The following FCRL2 variants were observed in gnomAD, a reference collection of about 807,000 sequenced individuals.
FCRL2 encodes Fc receptor-like protein 2.
A neutral mutation model predicts 59.8 loss-of-function variants in FCRL2; 48 were observed. The observed-to-expected ratio is 0.80, with a 90% CI of 0.64 to 1.02. The LOEUF (loss-of-function observed/expected upper bound fraction) is 1.02, where lower values mean the gene tolerates loss of function less well. FCRL2 is among the 50% of genes least tolerant of loss of function. FCRL2 has a pLI of 0.00. For synonymous variants in FCRL2, 251 were observed against 229.5 expected, an observed-to-expected ratio of 1.09 and a Z score of -0.85; for missense variants, 658 against 597.3, an observed-to-expected ratio of 1.10 and a Z score of -1.06.
rs761632859 is a variant in FCRL2, at chr1:157,769,891, G to T, written c.570C>A (p.Ser190Arg). ...ETVTHRIRKQ[S>R]LQSQIHVQRI... ...TCTGCACGTGAATCTGGGATTGGAG[G>T]CTCTGTTTTCTGATCCTGTGAGTCA... Residue 190 changes from serine (S) to arginine (R), a missense_variant, in exon 4 of 12, where the codon AGC becomes AGA. Physicochemically the swap from Ser to Arg is moderately radical, Grantham distance 110 (BLOSUM62 -1). Coordinates refer to ENST00000361516, the MANE Select transcript of FCRL2 (RefSeq NM_030764.4). 1.2e-6 allele frequency: 2 copies of T among 1,614,078 alleles called. No individual in the cohort carries two copies. The highest frequency in any genetic ancestry group is 1.7e-5 in the Admixed American group (1 of 60,016).
Position 157,767,444 on chromosome 1 carries a change from G to T in FCRL2, c.949C>A (p.Leu317Met). ...CTCAGGGCCTCACAGTGAAGCTCCA[G>T]CAGGTCCCCCACTGCAGCCTGGGCC... ...PGAQAAVGDL[L>M]ELHCEALRGS... Residue 317 changes from leucine (L) to methionine (M), a missense_variant, in exon 6 of 12, where the codon CTG (leucine) becomes ATG (methionine). Leu to Met is a conservative substitution (Grantham distance 15, BLOSUM62 2). Coordinates refer to ENST00000361516, the MANE Select transcript of FCRL2 (RefSeq NM_030764.4). 6.2e-7 allele frequency: 1 copy of T among 1,614,202 alleles called. No homozygotes were observed. The highest frequency in any genetic ancestry group is 1.1e-5 in the South Asian group (1 of 91,076).
chr1:157,761,433 T>C (rs889784523), intron 7 of FCRL2, among the ~76,000 whole-genome samples: 2 of 152,058 alleles, frequency 1.3e-5, no homozygotes, highest in Non-Finnish European at 2.9e-5. Context: ...CTGGGTAACA[T>C]TGTAAAACCC....
chr1:157,768,149 G>A (rs1649669932), intron 5 of FCRL2: 1 of 407,524 alleles, frequency 2.5e-6, no homozygotes, highest in African/African-American at 2.0e-5. Context: ...AGAGCCCAAA[G>A]GTTTCATGTA....
rs550153172 is a variant in FCRL2, at chr1:157,755,947, TTGATATTGTA to T, written c.1280-6280_1280-6271del. ...GGATTACTTTTTACTGTCATATTCT[TTGATATTGTA>T]TGAATGTTTTACCAGATGTATTTGT... On this transcript the variant is annotated intron_variant, in intron 7 of 11. Transcript: ENST00000361516. Among the ~76,000 whole-genome samples, 144 of 152,332 alleles carry T rather than the reference TTGATATTGTA, an allele frequency of 9.5e-4. 1 individual carries two copies. In the South Asian group the frequency reaches 0.029, roughly 30 times the overall value.
intron 7 of FCRL2, among the ~76,000 whole-genome samples, chr1:157,757,123 T>G (rs1999792): frequency 0.018 from 2,697 of 152,304 alleles, 68 homozygotes; most frequent in African/African-American, 0.061. Flanking sequence ...TTGCATTTGG[T>G]TATGACCATA....
intron 7 of FCRL2, among the ~76,000 whole-genome samples, chr1:157,764,998 TA>T (rs1336873987): frequency 1.3e-5 from 2 of 151,168 alleles, no homozygotes; most frequent in African/African-American, 2.4e-5. Flanking sequence ...AAATAGAGAC[TA>T]AAAAAAATAC....
Position 157,746,700 on chromosome 1 carries a change from CTT to C in FCRL2, c.*34_*35del. On this transcript the variant is annotated 3_prime_UTR_variant, in exon 12 of 12. Coordinates refer to ENST00000361516, the MANE Select transcript of FCRL2 (RefSeq NM_030764.4). ...TAGCAAGTCTTAATGATGCCCCATC[CTT>C]GCTGTTGATCTTCCCTTCTGATTCC... 6.2e-7 allele frequency: 1 copy of C among 1,604,262 alleles called. No individual in the cohort carries two copies. The highest frequency in any genetic ancestry group is 8.5e-7 in the Non-Finnish European group (1 of 1,171,188).
intron 7 of FCRL2, among the ~76,000 whole-genome samples, chr1:157,756,140 C>T (rs1333420678): frequency 6.6e-6 from 1 of 152,172 alleles, no homozygotes; most frequent in Non-Finnish European, 1.5e-5. Context: ...GAAAGCATTG[C>T]TTTCATTAGG....
At chr1:157,752,602 G>A (rs1453882599) in intron 7 of FCRL2, among the ~76,000 whole-genome samples, 1 of 152,150 alleles carries the variant, frequency 6.6e-6, no homozygotes, top group Non-Finnish European at 1.5e-5. Flanking sequence ...AGTGTGAATG[G>A]GCAGTAGGAA....
chr1:157,765,923 A>G (rs1400432445), intron 7 of FCRL2, among the ~76,000 whole-genome samples: 1 of 152,206 alleles, frequency 6.6e-6, no homozygotes, highest in Non-Finnish European at 1.5e-5. Flanking sequence ...CAACATGTTA[A>G]AAGTCTGACT....
chr1:157,768,764 G>A lies in FCRL2; in HGVS notation c.596-63C>T, dbSNP rs939574859. ...GAAACTCTGGGAACAGGGTTTGACT[G>A]ATTCCATTCTCTAATGCAAAATGTG... is the stretch of plus-strand genomic sequence containing the variant. On this transcript the variant is annotated intron_variant, in intron 4 of 11. Transcript: ENST00000361516. 4.1e-6 allele frequency: 6 copies of A among 1,458,068 alleles called. No homozygotes were observed. The Middle Eastern group carries it at 7.2e-4, about 176-fold the overall frequency. The allele number at this position is 1,458,068 out of a possible 1,614,324, so 90.3% of individuals were successfully genotyped here.
intron 7 of FCRL2, among the ~76,000 whole-genome samples, chr1:157,764,378 G>A (rs1407400807): frequency 6.6e-6 from 1 of 152,152 alleles, no homozygotes; most frequent in Non-Finnish European, 1.5e-5. Context: ...TAATAGTGGG[G>A]TAATTCAACA....
At chr1:157,753,473 C>A (rs567060730) in intron 7 of FCRL2, among the ~76,000 whole-genome samples, 1 of 152,276 alleles carries the variant, frequency 6.6e-6, no homozygotes, top group South Asian at 2.1e-4. Context: ...TACAAATATA[C>A]AACCAAATGA....
At chr1:157,771,155 A>G (rs746075233) in intron 2 of FCRL2, among the ~76,000 whole-genome samples, 1 of 152,232 alleles carries the variant, frequency 6.6e-6, no homozygotes, top group African/African-American at 2.4e-5. Context: ...GGGTTTCAAC[A>G]TATGAATTTG....
intron 7 of FCRL2, among the ~76,000 whole-genome samples, chr1:157,755,974 T>C (rs1648560551): frequency 6.6e-6 from 1 of 152,198 alleles, no homozygotes; most frequent in South Asian, 2.1e-4. Context: ...TTTTACCAGA[T>C]GTATTTGTAA....
intron 3 of FCRL2, 66 bp from the exon 4 acceptor site, chr1:157,770,216 G>T: frequency 6.4e-7 from 1 of 1,567,662 alleles, no homozygotes; most frequent in Non-Finnish European, 8.7e-7. Context: ...AAAAGCCTCT[G>T]GCAAGAAGCA....
Position 157,764,269 on chromosome 1 carries a change from A to T in FCRL2, c.1279+2586T>A, listed in dbSNP as rs577444428. On this transcript the variant is annotated intron_variant, in intron 7 of 11. Coordinates refer to ENST00000361516, the MANE Select transcript of FCRL2 (RefSeq NM_030764.4). ...ACAAAAATAAAGGGATCAATCCAGC[A>T]AGAGAATATAGAGGATATATATGTA... Among the ~76,000 whole-genome samples the T allele has an allele frequency of 2.6e-5, 4 of 152,278 alleles. No individual in the cohort carries two copies. In the South Asian group the frequency reaches 8.3e-4, roughly 32 times the overall value.
Position 157,749,655 on chromosome 1 carries a change from T to G in FCRL2, c.1302A>C (p.Glu434Asp), listed in dbSNP as rs79445400. 990 of 1,608,632 alleles carry G rather than the reference T, an allele frequency of 6.2e-4. 4 individuals are homozygous for G. The African/African-American group carries it at 0.012, about 19-fold the overall frequency. ...TTACTAGGAAGAGTTCTCACCTGGGTTCATTAGTGGCAGAACTTTCTCCTG... is the reference window on the plus strand; with the variant it reads ...TTACTAGGAAGAGTTCTCACCTGGGGTCATTAGTGGCAGAACTTTCTCCTG... Reference protein sequence around the residue: ...KISGESSATNEPRGASRPNPQ... With the variant: ...KISGESSATNDPRGASRPNPQ... Residue 434 changes from glutamate (E) to aspartate (D), a missense_variant, in exon 8 of 12, where the codon GAA becomes GAC. Glu to Asp is a conservative substitution (Grantham distance 45, BLOSUM62 2). Transcript: ENST00000361516.
At position 157,770,514 on chromosome 1, in the gene FCRL2, T is replaced by A; in HGVS notation, c.205A>T (p.Ile69Phe). ...SVFKKFSDFL[I>F]QSAVLSDSGN... ...CTGTCACTTAAAACTGCACTTTGGA[T>A]AAGGAAATCTGAGAATTTTTTGAAA... Residue 69 changes from isoleucine (I) to phenylalanine (F), a missense_variant, in exon 3 of 12, where the codon ATC (isoleucine) becomes TTC (phenylalanine). Coordinates refer to ENST00000361516, the MANE Select transcript of FCRL2 (RefSeq NM_030764.4). 1 of 1,614,232 alleles carries A rather than the reference T, an allele frequency of 6.2e-7. No homozygotes were observed. The highest frequency in any genetic ancestry group is 8.5e-7 in the Non-Finnish European group (1 of 1,180,018).
Sources: allele counts gnomAD v4.1 joint callset (sites outside exome capture counted in the v4.1 genomes callset), GRCh38; gene constraint gnomAD v4.1.1; transcripts MANE v1.5; gene names NCBI Gene and HGNC (gene_info 2026-07-23, HGNC 2026-07-21).